TMTC2: variants seen among roughly 807,000 people sequenced by gnomAD.
TMTC2 encodes the protein protein O-mannosyl-transferase TMTC2.
Under a neutral mutation model 82.4 loss-of-function variants are expected in TMTC2, and 43 were observed. That is an observed-to-expected ratio of 0.52 (90% CI 0.41 to 0.67). TMTC2 has a LOEUF of 0.67. Ranked by LOEUF, TMTC2 falls within the 30% of genes least tolerant of loss-of-function variation. TMTC2 has a pLI of 0.00. For synonymous variants in TMTC2, 408 were observed against 381.9 expected (o/e 1.07, Z -0.80); for missense variants, 919 against 1,012.4 (o/e 0.91, Z 1.25).
At chr12:83,038,763 T>C (rs1881770966) in intron 9 of TMTC2, among the ~76,000 whole-genome samples, 1 of 152,156 alleles carries the variant, frequency 6.6e-6, no homozygotes, top group South Asian at 2.1e-4. Flanking sequence ...CTTTTTAAAA[T>C]ATCAGAATGT....
intron 8 of TMTC2, among the ~76,000 whole-genome samples, chr12:82,995,748 G>A: frequency 6.6e-6 from 1 of 152,118 alleles, no homozygotes; most frequent in East Asian, 1.9e-4. Flanking sequence ...ATTGTTTTGT[G>A]AGGTGGCTCC....
At chr12:83,012,914 G>C (rs562833331) in intron 8 of TMTC2, among the ~76,000 whole-genome samples, 5 of 152,230 alleles carry the variant, frequency 3.3e-5, no homozygotes, top group Non-Finnish European at 5.9e-5. Context: ...TAATATTTAT[G>C]TATTTCAGCT....
chr12:82,845,226 CAAAAAA>C (rs66859423), intron 1 of TMTC2, among the ~76,000 whole-genome samples: 3 of 45,562 alleles, frequency 6.6e-5, no homozygotes, highest in South Asian at 1.4e-3. Context: ...GTGACTGTCT[CAAAAAA>C]AAAAAAAAAA....
intron 1 of TMTC2, among the ~76,000 whole-genome samples, chr12:82,773,557 T>G (rs778894151): frequency 2.7e-5 from 4 of 150,558 alleles, no homozygotes; most frequent in Non-Finnish European, 4.4e-5. Flanking sequence ...GCCTCCCGGG[T>G]TCAAGTGATT....
intron 7 of TMTC2, among the ~76,000 whole-genome samples, chr12:82,969,371 C>T (rs917570892): frequency 3.3e-5 from 5 of 152,168 alleles, no homozygotes; most frequent in African/African-American, 9.7e-5. Flanking sequence ...TACCCCCAAG[C>T]ACTTGTGTAT....
intron 3 of TMTC2, among the ~76,000 whole-genome samples, chr12:82,914,124 T>C (rs1229084213): frequency 6.6e-6 from 1 of 152,228 alleles, no homozygotes; most frequent in Admixed American, 6.5e-5. Context: ...TTCTTTTCTG[T>C]TGTTAAATCA....
At chr12:82,891,774 C>A (rs1218390763) in intron 2 of TMTC2, among the ~76,000 whole-genome samples, 1 of 152,060 alleles carries the variant, frequency 6.6e-6, no homozygotes, top group Non-Finnish European at 1.5e-5. Flanking sequence ...TGTGTTTTGG[C>A]CGATACTTTA....
chr12:82,772,886 T>TG (rs978454034), intron 1 of TMTC2, among the ~76,000 whole-genome samples: 2 of 152,156 alleles, frequency 1.3e-5, no homozygotes, highest in Non-Finnish European at 2.9e-5. Flanking sequence ...AGTGTCGGAG[T>TG]GGGGGGAGAC....
chr12:82,737,386 G>A (rs1358479703), intron 1 of TMTC2, among the ~76,000 whole-genome samples: 2 of 151,986 alleles, frequency 1.3e-5, no homozygotes, highest in African/African-American at 2.4e-5. Flanking sequence ...AAATTGTTAC[G>A]TGCAGCACTG....
chr12:83,021,199 A>G (rs1483284388), intron 8 of TMTC2, among the ~76,000 whole-genome samples: 3 of 151,916 alleles, frequency 2.0e-5, no homozygotes, highest in Non-Finnish European at 4.4e-5. Context: ...CTTTCTTCTC[A>G]TTGCAAGGTA....
At chr12:83,046,257 G>T (rs1237772794) in intron 9 of TMTC2, among the ~76,000 whole-genome samples, 1 of 152,168 alleles carries the variant, frequency 6.6e-6, no homozygotes, top group Non-Finnish European at 1.5e-5. Flanking sequence ...GATGTCATCA[G>T]TGTCCAGAGT....
chr12:82,917,825 A>G (rs575714924), intron 3 of TMTC2, among the ~76,000 whole-genome samples: 1 of 151,726 alleles, frequency 6.6e-6, no homozygotes, highest in South Asian at 2.1e-4. Context: ...GATGGTCTTG[A>G]TCTCCTGACC....
chr12:82,733,058 G>A (rs2136943057), intron 1 of TMTC2, among the ~76,000 whole-genome samples: 1 of 152,170 alleles, frequency 6.6e-6, no homozygotes, highest in African/African-American at 2.4e-5. Context: ...TTCTCAGAGG[G>A]AAGATCTCTT....
At chr12:82,912,872 G>A (rs1423951230) in intron 3 of TMTC2, among the ~76,000 whole-genome samples, 8 of 148,444 alleles carry the variant, frequency 5.4e-5, no homozygotes, top group African/African-American at 1.2e-4. Context: ...TGGGGAGGTC[G>A]AAGCTGCAGT....
intron 1 of TMTC2, among the ~76,000 whole-genome samples, chr12:82,855,106 A>G (rs1871191403): frequency 6.6e-6 from 1 of 152,238 alleles, no homozygotes; most frequent in Non-Finnish European, 1.5e-5. Flanking sequence ...TTTCAAGGTA[A>G]AACTATTATC....
chr12:82,836,205 GGTTAAGCCTAGCTAA>G (rs1435274203), intron 1 of TMTC2, among the ~76,000 whole-genome samples: 4 of 152,172 alleles, frequency 2.6e-5, no homozygotes, highest in African/African-American at 9.7e-5. Flanking sequence ...TAATGGGCTT[GGTTAAGCCTAGCTAA>G]GTGAGACACT....
chr12:82,821,767 G>A (rs981188552), intron 1 of TMTC2, among the ~76,000 whole-genome samples: 4 of 151,856 alleles, frequency 2.6e-5, no homozygotes, highest in African/African-American at 9.7e-5. Context: ...CCAGCTACTC[G>A]GGAGGCTGAG....
rs1215865669 is a variant in TMTC2 at position 83,134,440 on chromosome 12, G to T, written c.*2051G>T. The T allele has an allele frequency of 6.6e-6, 1 of 151,994 alleles. No individual in the cohort carries two copies. The highest frequency in any genetic ancestry group is 1.5e-5 in the Non-Finnish European group (1 of 67,994). The allele number at this position is 151,994 out of a possible 1,614,324, so 9.4% of individuals were successfully genotyped here. A position where few individuals can be genotyped will look rare whatever the true frequency, so the allele number is the denominator to read the frequency against. On this transcript the variant is annotated 3_prime_UTR_variant, in exon 12 of 12. Coordinates refer to ENST00000321196, the MANE Select transcript of TMTC2 (RefSeq NM_152588.3). ...TGTTGTTCTTCCTTTCAAAGATGTG[G>T]TTCTTAATAGGTTCACTGAATGCAC...
At chr12:83,037,058 C>T (rs1360778151) in intron 9 of TMTC2, among the ~76,000 whole-genome samples, 1 of 152,192 alleles carries the variant, frequency 6.6e-6, no homozygotes, top group Non-Finnish European at 1.5e-5. Flanking sequence ...CTATAGGCCC[C>T]ACCTACCATC....
Sources: allele counts gnomAD v4.1 joint callset (sites outside exome capture counted in the v4.1 genomes callset), GRCh38; gene constraint gnomAD v4.1.1; transcripts MANE v1.5; gene names NCBI Gene and HGNC (gene_info 2026-07-23, HGNC 2026-07-21).